The following GMDS variants were observed in gnomAD, a reference collection of about 807,000 sequenced individuals.
The protein encoded by GMDS is GDP-mannose 4,6 dehydratase.
In GMDS, 20 loss-of-function variants were observed where a neutral mutation model predicts 49.9. That is an observed-to-expected ratio of 0.40 (90% CI 0.28 to 0.58). GMDS has a LOEUF of 0.58. GMDS is among the 20% of genes least tolerant of loss of function. GMDS has a pLI of 0.42. For missense variants in GMDS, 362 were observed against 481.4 expected, an observed-to-expected ratio of 0.75 and a Z score of 2.32; for synonymous variants, 177 against 178.6, an observed-to-expected ratio of 0.99 and a Z score of 0.07.
chr6:1,934,498 C>T (rs113174119), intron 6 of GMDS, among the ~76,000 whole-genome samples: 1,847 of 152,222 alleles, frequency 0.012, 36 homozygotes, highest in African/African-American at 0.041. Context: ...TTGTGCCTTC[C>T]GATACATGAA....
intron 1 of GMDS, among the ~76,000 whole-genome samples, chr6:2,207,528 C>T (rs1779857622): frequency 6.6e-6 from 1 of 152,058 alleles, no homozygotes; most frequent in South Asian, 2.1e-4. Flanking sequence ...TGACAACAAA[C>T]TACTGAGCTT....
chr6:1,901,578 A>G (rs1383279181), intron 7 of GMDS, among the ~76,000 whole-genome samples: 1 of 152,230 alleles, frequency 6.6e-6, no homozygotes, highest in African/African-American at 2.4e-5. Flanking sequence ...ACAAAGAGTT[A>G]ACACATTTTC....
rs534401089 is a variant in GMDS, at chr6:1,801,057, C to T, written c.772-58471G>A. Among the ~76,000 whole-genome samples, 24 of 152,292 alleles carry T rather than the reference C, an allele frequency of 1.6e-4. No individual in the cohort carries two copies. In the East Asian group the frequency reaches 4.4e-3, roughly 28 times the overall value. On this transcript the variant is annotated intron_variant, in intron 7 of 10. Transcript: ENST00000380815. ...ATCCCTGCTCCTGAAAAGTGACACT[C>T]GGGGGATACAATCTGCTTCCAGGTG...
Position 1,627,579 on chromosome 6 carries a change from C to T in GMDS, c.988-3039G>A, listed in dbSNP as rs531258027. ...CAAATCCCCTCCAATAGGGTATAAT[C>T]AGCTCCTAAGGACAAGAGAGAAGAA... On this transcript the variant is annotated intron_variant, in intron 9 of 10. Coordinates refer to ENST00000380815, the MANE Select transcript of GMDS (RefSeq NM_001500.4). 4.6e-5 allele frequency among the ~76,000 whole-genome samples: 7 copies of T among 152,340 alleles called. No homozygotes were observed. In the South Asian group the frequency reaches 1.4e-3, roughly 32 times the overall value.
intron 6 of GMDS, among the ~76,000 whole-genome samples, chr6:1,948,536 C>T (rs947012310): frequency 6.6e-6 from 1 of 152,164 alleles, no homozygotes; most frequent in African/African-American, 2.4e-5. Context: ...GTACACCTGT[C>T]GACCCAGCTG....
At chr6:1,933,784 A>G (rs1405603717) in intron 6 of GMDS, among the ~76,000 whole-genome samples, 1 of 152,190 alleles carries the variant, frequency 6.6e-6, no homozygotes, top group African/African-American at 2.4e-5. Flanking sequence ...CTTATCAGCT[A>G]TATAATTTGC....
rs1252759047 is a variant in GMDS at position 1,976,774 on chromosome 6, CAT to C, written c.346-15810_346-15809del. Among the ~76,000 whole-genome samples the C allele has an allele frequency of 3.9e-5, 6 of 152,294 alleles. No homozygotes were observed. The East Asian group carries it at 1.2e-3, about 29-fold the overall frequency. ...TAATAGAAACAAAAGGTATTCACCACATAGTTTCCAAAATGGAAAAACATGAA... is the reference window on the plus strand; with the variant it reads ...TAATAGAAACAAAAGGTATTCACCACAGTTTCCAAAATGGAAAAACATGAA... On this transcript the variant is annotated intron_variant, in intron 4 of 10. Coordinates refer to ENST00000380815, the MANE Select transcript of GMDS (RefSeq NM_001500.4).
intron 9 of GMDS, among the ~76,000 whole-genome samples, chr6:1,719,703 G>A (rs981688030): frequency 6.6e-6 from 1 of 151,968 alleles, no homozygotes; most frequent in African/African-American, 2.4e-5. Context: ...AGATGGAACA[G>A]GTAATCACAC....
intron 1 of GMDS, among the ~76,000 whole-genome samples, chr6:2,188,131 C>T (rs1160816239): frequency 6.6e-6 from 1 of 152,188 alleles, no homozygotes; most frequent in African/African-American, 2.4e-5. Flanking sequence ...AACATGCCCA[C>T]CGAGGAGGGG....
intron 1 of GMDS, among the ~76,000 whole-genome samples, chr6:2,160,322 T>C (rs1468708814): frequency 6.6e-6 from 1 of 152,196 alleles, no homozygotes; most frequent in African/African-American, 2.4e-5. Context: ...GGCCTTGCAC[T>C]AAATATGTAA....
chr6:1,629,269 A>G (rs1762928457), intron 9 of GMDS, among the ~76,000 whole-genome samples: 1 of 152,232 alleles, frequency 6.6e-6, no homozygotes, highest in Admixed American at 6.5e-5. Flanking sequence ...GCAGTAAGAA[A>G]TGCTGTGGTG....
chr6:1,698,289 G>A (rs1561737760), intron 9 of GMDS, among the ~76,000 whole-genome samples: 1 of 152,212 alleles, frequency 6.6e-6, no homozygotes, highest in Admixed American at 6.5e-5. Flanking sequence ...GTGAGGTAGC[G>A]CTGGAGACAA....
chr6:2,184,406 T>C (rs1482653238), intron 1 of GMDS, among the ~76,000 whole-genome samples: 1 of 152,150 alleles, frequency 6.6e-6, no homozygotes, highest in East Asian at 1.9e-4. Context: ...CCCCCACCTC[T>C]CTTAACGATT....
intron 7 of GMDS, among the ~76,000 whole-genome samples, chr6:1,884,185 T>C (rs1320268168): frequency 6.6e-6 from 1 of 152,238 alleles, no homozygotes; most frequent in African/African-American, 2.4e-5. Flanking sequence ...CAAATATCTA[T>C]GTGAAAAGCA....
At chr6:2,011,327 G>A (rs564655234) in intron 4 of GMDS, among the ~76,000 whole-genome samples, 1 of 152,242 alleles carries the variant, frequency 6.6e-6, no homozygotes, top group South Asian at 2.1e-4. Context: ...CAAAGAGAAG[G>A]AAACACATAC....
intron 7 of GMDS, among the ~76,000 whole-genome samples, chr6:1,790,465 T>C (rs997852243): frequency 5.3e-5 from 8 of 152,178 alleles, no homozygotes; most frequent in African/African-American, 1.9e-4. Context: ...AGTTGGCTTT[T>C]AAAACTCTTT....
chr6:1,812,598 G>C (rs79500768), intron 7 of GMDS, among the ~76,000 whole-genome samples: 7,470 of 152,110 alleles, frequency 0.049, 227 homozygotes, highest in South Asian at 0.091. Flanking sequence ...CAAAAGGAAG[G>C]GAGCAGGTCA....
At chr6:2,203,390 C>T (rs533155069) in intron 1 of GMDS, among the ~76,000 whole-genome samples, 1 of 152,220 alleles carries the variant, frequency 6.6e-6, no homozygotes, top group South Asian at 2.1e-4. Flanking sequence ...GTTATTTAAA[C>T]TTGTATGCTC....
intron 4 of GMDS, among the ~76,000 whole-genome samples, chr6:2,058,046 C>A (rs1431588986): frequency 6.6e-6 from 1 of 152,018 alleles, no homozygotes; most frequent in Non-Finnish European, 1.5e-5. Flanking sequence ...TACCTCACAT[C>A]AAGTGTTTCA....
Sources: allele counts gnomAD v4.1 joint callset (sites outside exome capture counted in the v4.1 genomes callset), GRCh38; gene constraint gnomAD v4.1.1; transcripts MANE v1.5; gene names NCBI Gene and HGNC (gene_info 2026-07-23, HGNC 2026-07-21).